The following NCOA2 variants were observed in gnomAD, a reference collection of about 807,000 sequenced individuals.
NCOA2 encodes the protein class E basic helix-loop-helix protein 75.
In NCOA2, 21 loss-of-function variants were observed where a neutral mutation model predicts 145.1. The ratio of observed to expected loss-of-function variants is 0.14; its 90% CI spans 0.10 to 0.21. The LOEUF is 0.21. NCOA2 is among the 10% of genes least tolerant of loss of function. The pLI is 1.00. For missense variants in NCOA2, 1,472 were observed against 1,837.6 expected (o/e 0.80, Z 3.64); for synonymous variants, 619 against 637.5 (o/e 0.97, Z 0.44).
chr8:70,111,106 A>AT lies in NCOA2; in HGVS notation c.*2525dup. On this transcript the variant is annotated 3_prime_UTR_variant, in exon 23 of 23. Transcript: ENST00000452400. ...GATGTAAAACAAAATCCATTACCTG[A>AT]TTGAAACCGTAAGAGAATTTATCAT... 1 of 220,290 alleles carries AT rather than the reference A, an allele frequency of 4.5e-6. No individual in the cohort carries two copies. The allele number at this position is 220,290 out of a possible 1,614,324, so 13.6% of individuals were successfully genotyped here. A position where few individuals can be genotyped will look rare whatever the true frequency, so the allele number is the denominator to read the frequency against.
intron 2 of NCOA2, among the ~76,000 whole-genome samples, chr8:70,266,724 T>C (rs753819438): frequency 1.1e-4 from 16 of 152,202 alleles, no homozygotes; most frequent in Non-Finnish European, 1.8e-4. Context: ...CAATACACTC[T>C]AATTTAGACT....
At chr8:70,144,034 A>G (rs1423299885) in intron 13 of NCOA2, among the ~76,000 whole-genome samples, 1 of 152,236 alleles carries the variant, frequency 6.6e-6, no homozygotes, top group Admixed American at 6.5e-5. Flanking sequence ...AGTGACTACT[A>G]CCTAGGAAAT....
At chr8:70,394,490 A>T (rs2131673443) in intron 1 of NCOA2, among the ~76,000 whole-genome samples, 1 of 152,356 alleles carries the variant, frequency 6.6e-6, no homozygotes, top group Middle Eastern at 3.4e-3. Context: ...ATATTTTTAC[A>T]TCACACTTGT....
chr8:70,335,129 A>G, intron 1 of NCOA2, among the ~76,000 whole-genome samples: 1 of 144,802 alleles, frequency 6.9e-6, no homozygotes, highest in African/African-American at 2.6e-5. Context: ...TCTCAAAAAA[A>G]AAAAAAAAAA....
chr8:70,403,588 G>A (rs1349106972), intron 1 of NCOA2, 112 bp downstream of exon 1: 4 of 318,588 alleles, frequency 1.3e-5, no homozygotes, highest in Non-Finnish European at 1.7e-5. Context: ...GCACGGCTCT[G>A]TCGGAGCTCG....
the NCOA2 span, among the ~76,000 whole-genome samples, chr8:70,447,373 A>G: frequency 1.3e-5 from 2 of 152,178 alleles, no homozygotes; most frequent in Non-Finnish European, 2.9e-5. Flanking sequence ...AGCTCAGGCA[A>G]TAATTTGAAA....
chr8:70,281,367 A>C (rs1014919437), intron 2 of NCOA2, among the ~76,000 whole-genome samples: 7 of 150,284 alleles, frequency 4.7e-5, no homozygotes, highest in Non-Finnish European at 1.5e-5. Context: ...AAAAAAAAAA[A>C]AAAAAAAAAA....
chr8:70,408,266 T>C (rs1814812295), upstream of NCOA2, among the ~76,000 whole-genome samples: 1 of 152,194 alleles, frequency 6.6e-6, no homozygotes, highest in South Asian at 2.1e-4. Flanking sequence ...GATGATATAG[T>C]GTACGTACAA....
At chr8:70,325,685 G>T (rs558067547) in intron 1 of NCOA2, among the ~76,000 whole-genome samples, 3 of 152,160 alleles carry the variant, frequency 2.0e-5, no homozygotes, top group Admixed American at 2.0e-4. Context: ...TTACAGGCGT[G>T]AGCTATCGTG....
chr8:70,217,624 A>T (rs902525813), intron 2 of NCOA2, among the ~76,000 whole-genome samples: 20 of 138,208 alleles, frequency 1.4e-4, no homozygotes, highest in Non-Finnish European at 2.8e-4. Context: ...GTAAGAAAAT[A>T]AAAAAAAATG....
intron 2 of NCOA2, among the ~76,000 whole-genome samples, chr8:70,277,401 G>A (rs992397845): frequency 1.3e-5 from 2 of 152,064 alleles, no homozygotes; most frequent in Non-Finnish European, 2.9e-5. Flanking sequence ...CAATTCAGAT[G>A]AGAAAATATT....
chr8:70,269,744 C>T (rs1003905650), intron 2 of NCOA2, among the ~76,000 whole-genome samples: 4 of 152,092 alleles, frequency 2.6e-5, no homozygotes, highest in African/African-American at 9.7e-5. Context: ...GTTTGCATTC[C>T]GACTTAAGGC....
chr8:70,227,856 A>T (rs780220182), intron 2 of NCOA2, among the ~76,000 whole-genome samples: 5 of 152,000 alleles, frequency 3.3e-5, no homozygotes, highest in African/African-American at 4.8e-5. Context: ...CTCTACAAAA[A>T]CACAAAAAAA....
At chr8:70,289,945 T>G (rs543887195) in intron 2 of NCOA2, among the ~76,000 whole-genome samples, 15 of 152,240 alleles carry the variant, frequency 9.9e-5, no homozygotes, top group African/African-American at 2.9e-4. Flanking sequence ...GCAATCCTCC[T>G]GCCTCAAGGC....
At chr8:70,199,604 G>C (rs1447655885) in intron 4 of NCOA2, among the ~76,000 whole-genome samples, 2 of 152,162 alleles carry the variant, frequency 1.3e-5, no homozygotes, top group African/African-American at 4.8e-5. Context: ...ACAGGCCAGA[G>C]TTTAGCTGCT....
intron 1 of NCOA2, among the ~76,000 whole-genome samples, chr8:70,341,748 A>G (rs543312728): frequency 1.3e-5 from 2 of 152,246 alleles, no homozygotes; most frequent in Non-Finnish European, 2.9e-5. Flanking sequence ...GTAACAAAAT[A>G]TAACGGATAA....
chr8:70,351,912 TA>T (rs1478489408), intron 1 of NCOA2, among the ~76,000 whole-genome samples: 1 of 151,988 alleles, frequency 6.6e-6, no homozygotes, highest in Non-Finnish European at 1.5e-5. Flanking sequence ...TACAAGCAAC[TA>T]ACTCTGGTTT....
chr8:70,126,953 T>C lies in NCOA2; in HGVS notation c.3776A>G (p.Gln1259Arg). 6.2e-7 allele frequency: 1 copy of C among 1,613,930 alleles called. No individual in the cohort carries two copies. The highest frequency in any genetic ancestry group is 8.5e-7 in the Non-Finnish European group (1 of 1,179,856). Residue 1259 changes from glutamine (Q) to arginine (R), a missense_variant, in exon 19 of 23, where the codon CAG becomes CGG. By Grantham distance (43) the Gln-to-Arg change is conservative (BLOSUM62 1). This residue lies in a region of NCOA2 where 232 missense variants were observed against 290.6 expected (regional missense o/e 0.80). Transcript: ENST00000452400. ...QRQMHQQQQV[Q>R]QRTLMMRGQG... Reference sequence around the variant, plus strand: ...TCCTCTCATCATCAAAGTTCGTTGCTGAACTTGCTGTTGCTGATGCATTTG... The same window carrying C: ...TCCTCTCATCATCAAAGTTCGTTGCCGAACTTGCTGTTGCTGATGCATTTG...
intron 1 of NCOA2, among the ~76,000 whole-genome samples, chr8:70,381,136 G>T (rs180672011): frequency 2.6e-5 from 4 of 151,908 alleles, no homozygotes; most frequent in African/African-American, 9.7e-5. Flanking sequence ...AAACAGATGG[G>T]GGAGTAATAG....
Sources: gnomAD v4.1 joint callset for allele counts (sites outside exome capture counted in the v4.1 genomes callset) on GRCh38, gnomAD v4.1.1 for gene constraint, gnomAD v4.1.1 regional missense constraint, MANE v1.5 for transcripts, NCBI Gene and HGNC (gene_info 2026-07-23, HGNC 2026-07-21) for gene names.